Variants in TIMM23B observed in about 807,000 individuals in gnomAD.
The protein encoded by TIMM23B is mitochondrial import inner membrane translocase subunit Tim23B.
A neutral mutation model predicts 27.3 loss-of-function variants in TIMM23B; 27 were observed. That is an observed-to-expected ratio of 0.99 (90% CI 0.73 to 1.36). The LOEUF (loss-of-function observed/expected upper bound fraction) is 1.36. Among genes scored for constraint, TIMM23B ranks in the 40% most tolerant of loss-of-function variants. TIMM23B has a pLI of 0.00. For missense variants in TIMM23B, 205 were observed against 244.2 expected (o/e 0.84, Z 1.07); for synonymous variants, 73 against 92.4 (o/e 0.79, Z 1.21).
chr10:49,943,513 A>G (rs1403729108), intron 1 of TIMM23B, among the ~76,000 whole-genome samples: 1 of 151,940 alleles, frequency 6.6e-6, no homozygotes, highest in Non-Finnish European at 1.5e-5. Flanking sequence ...CCTAGGCCTG[A>G]GCTACTACTT....
chr10:49,959,744 A>ATTTTTTT (rs71258795), intron 6 of TIMM23B, among the ~76,000 whole-genome samples: 1 of 144,800 alleles, frequency 6.9e-6, no homozygotes, highest in South Asian at 2.2e-4. Context: ...GCAACTTTTA[A>ATTTTTTT]TTTTTTTTTT....
chr10:49,974,561 TATGTA>T lies in TIMM23B; in HGVS notation c.*1502_*1506del. ...CCTACTAATAAGTTTTTTAAAAAAT[TATGTA>T]ATGTGTGTATATACAAATACCTATA... is the stretch of plus-strand genomic sequence containing the variant. On this transcript the variant is annotated 3_prime_UTR_variant, in exon 7 of 7. Transcript: ENST00000651259. 1 of 151,930 alleles carries T rather than the reference TATGTA, an allele frequency of 6.6e-6. No individual in the cohort carries two copies. Among genetic ancestry groups the T allele is most frequent in the East Asian group, 1.9e-4 (1 of 5,188 alleles). The allele number at this position is 151,930 out of a possible 1,614,324, so 9.4% of individuals were successfully genotyped here.
chr10:49,951,544 C>G (rs1476812617), intron 2 of TIMM23B, among the ~76,000 whole-genome samples: 1 of 151,966 alleles, frequency 6.6e-6, no homozygotes, highest in African/African-American at 2.4e-5. Context: ...GATGACCTTC[C>G]AGGGGTTCAT....
In TIMM23B at chr10:49,966,358, CGAAAT is replaced by C. The variant is rs1199329286; in HGVS notation, c.515-6644_515-6640del. Among the ~76,000 whole-genome samples, 10 of 150,328 alleles carry C rather than the reference CGAAAT, an allele frequency of 6.7e-5. No homozygotes were observed. In the East Asian group the frequency reaches 2.0e-3, roughly 30 times the overall value. The stretch of plus-strand genomic sequence containing the variant: ...TGGGCGATTGAGCGAGTTTCCATCT[CGAAAT>C]GAAATGAAACGAAATGAAGAAATGA... On this transcript the variant is annotated intron_variant, in intron 6 of 6. Coordinates refer to ENST00000651259, the MANE Select transcript of TIMM23B (RefSeq NM_001290117.2).
chr10:49,969,268 A>G (rs1387744557), intron 6 of TIMM23B, among the ~76,000 whole-genome samples: 51 of 151,176 alleles, frequency 3.4e-4, no homozygotes, highest in African/African-American at 1.2e-3. Flanking sequence ...AATATGGTGA[A>G]ACCCTGTCTA....
chr10:49,942,242 C>T lies in TIMM23B; in HGVS notation c.48C>T (p.Ala16=), dbSNP rs1291929988. The change falls in exon 1 of 7, where the codon GCC becomes GCT. Residue 16 remains alanine (A), a synonymous_variant. Transcript: ENST00000651259. ...GCGACAAAACCACAGGGGTATTGGC[C>T]GGCTTTTTCGGAGCCGGCGAAGCAG... is the stretch of plus-strand genomic sequence containing the variant. ...GSGDKTTGVL[A]GFFGAGEAGY... is the part of the protein sequence containing the mutation. 6.2e-7 allele frequency: 1 copy of T among 1,612,660 alleles called. No homozygotes were observed. Among genetic ancestry groups the T allele is most frequent in the South Asian group, 1.1e-5 (1 of 90,790 alleles).
intron 2 of TIMM23B, among the ~76,000 whole-genome samples, chr10:49,946,010 C>T (rs1332560545): frequency 3.3e-5 from 5 of 152,210 alleles, no homozygotes; most frequent in East Asian, 1.9e-4. Flanking sequence ...GCCAACATAG[C>T]GAAACGCTGT....
At chr10:49,958,775 C>G (rs1197012945) in intron 6 of TIMM23B, among the ~76,000 whole-genome samples, 2 of 152,200 alleles carry the variant, frequency 1.3e-5, no homozygotes, top group East Asian at 3.8e-4. Flanking sequence ...CAATTTACCA[C>G]TTCCTTAGCT....
At chr10:49,959,702 A>G (rs1325332334) in intron 6 of TIMM23B, among the ~76,000 whole-genome samples, 1 of 152,004 alleles carries the variant, frequency 6.6e-6, no homozygotes, top group Non-Finnish European at 1.5e-5. Context: ...ACAGTGTTCT[A>G]TACGTCTCAC....
At chr10:49,972,206 G>T (rs1398382855) in intron 6 of TIMM23B, among the ~76,000 whole-genome samples, 6 of 152,202 alleles carry the variant, frequency 3.9e-5, no homozygotes, top group African/African-American at 1.4e-4. Flanking sequence ...ACACTGACAG[G>T]TATTTATCTG....
At chr10:49,948,645 G>GA (rs1839426642) in intron 2 of TIMM23B, among the ~76,000 whole-genome samples, 5 of 152,208 alleles carry the variant, frequency 3.3e-5, no homozygotes, top group Non-Finnish European at 7.3e-5. Context: ...CATTTATATG[G>GA]AATGTCCAGA....
Position 49,945,090 on chromosome 10 carries a change from G to C in TIMM23B, c.165G>C (p.Gln55His), listed in dbSNP as rs1839314405. 1.9e-6 allele frequency: 3 copies of C among 1,611,146 alleles called. No homozygotes were observed. The African/African-American group carries it at 4.0e-5, about 22-fold the overall frequency. The change falls in exon 2 of 7, where the codon CAG (glutamine) becomes CAC (histidine). Residue 55 changes from glutamine to histidine, a missense_variant and splice_region_variant. Gln to His is a conservative substitution (Grantham distance 24). Transcript: ENST00000651259. ...ATGTGGATCCACGATACCTCGTGCA[G>C]GTAAGACTAAGATTTTACTAGTTTG... ...YLNVDPRYLV[Q>H]DTDEFILPTG...
rs185695055 is a variant in TIMM23B at position 49,964,781 on chromosome 10, G to A, written c.514+6301G>A. Among the ~76,000 whole-genome samples, 969 of 151,134 alleles carry A rather than the reference G, an allele frequency of 6.4e-3. 2 individuals carry two copies. The highest frequency in any genetic ancestry group is 0.02 in the African/African-American group (800 of 40,980). ...ATGAAATAATGAATAATGAAATGCC[G>A]GGTGAAATGAAATGAAATGAAGAAA... On this transcript the variant is annotated intron_variant, in intron 6 of 6. Transcript: ENST00000651259.
intron 2 of TIMM23B, among the ~76,000 whole-genome samples, chr10:49,945,488 G>C (rs1399574031): frequency 6.6e-6 from 1 of 152,150 alleles, no homozygotes; most frequent in Admixed American, 6.5e-5. Context: ...TCAGGCCATC[G>C]TCCTGCCTCA....
At chr10:49,956,608 T>G (rs1839735157) in intron 5 of TIMM23B, among the ~76,000 whole-genome samples, 1 of 146,844 alleles carries the variant, frequency 6.8e-6, no homozygotes, top group Admixed American at 6.8e-5. Flanking sequence ...CAGGCGTTTC[T>G]CTGCATAGCC....
At chr10:49,965,862 T>C (rs1840123608) in intron 6 of TIMM23B, among the ~76,000 whole-genome samples, 1 of 150,640 alleles carries the variant, frequency 6.6e-6, no homozygotes, top group Non-Finnish European at 1.5e-5. Flanking sequence ...TAAAATGGAA[T>C]AATGAAATGC....
intron 6 of TIMM23B, among the ~76,000 whole-genome samples, chr10:49,963,120 C>A (rs1320306021): frequency 1.3e-5 from 2 of 151,608 alleles, no homozygotes; most frequent in Admixed American, 1.3e-4. Flanking sequence ...CTCGAACTCC[C>A]GACCTCAGGT....
intron 6 of TIMM23B, chr10:49,970,383 A>T (rs1554856283): frequency 5.8e-6 from 1 of 172,934 alleles, no homozygotes. Context: ...GTCTGAGATG[A>T]GGGGAGCGCC....
intron 6 of TIMM23B, among the ~76,000 whole-genome samples, chr10:49,971,815 G>A (rs1554856646): frequency 1.3e-5 from 2 of 152,170 alleles, no homozygotes; most frequent in African/African-American, 4.8e-5. Context: ...TAAAACTAAG[G>A]CTCAGTGATG....
Sources: allele counts gnomAD v4.1 joint callset (sites outside exome capture counted in the v4.1 genomes callset), GRCh38; gene constraint gnomAD v4.1.1; transcripts MANE v1.5; gene names NCBI Gene and HGNC (gene_info 2026-07-23, HGNC 2026-07-21).